ZNF286A: variants seen among roughly 807,000 people sequenced by gnomAD.
The protein encoded by ZNF286A is zinc finger protein 286A, also known as zinc finger protein ZNF286.
In ZNF286A, 34 loss-of-function variants were observed where a neutral mutation model predicts 49.3. The ratio of observed to expected loss-of-function variants is 0.69; its 90% CI spans 0.52 to 0.92. The LOEUF (loss-of-function observed/expected upper bound fraction) is 0.92, where lower values mean the gene tolerates loss of function less well. Ranked by LOEUF, ZNF286A falls within the 40% of genes least tolerant of loss-of-function variation. ZNF286A has a pLI of 0.00. For synonymous variants in ZNF286A, 155 were observed against 200.4 expected, an observed-to-expected ratio of 0.77 and a Z score of 1.91; for missense variants, 462 against 600.2, an observed-to-expected ratio of 0.77 and a Z score of 2.41.
At position 15,708,166 on chromosome 17, in the gene ZNF286A, T is replaced by C; in HGVS notation, c.253T>C (p.Ser85Pro). 1 of 1,583,192 alleles carries C rather than the reference T, an allele frequency of 6.3e-7. No individual in the cohort carries two copies. The highest frequency in any genetic ancestry group is 1.8e-5 in the Admixed American group (1 of 54,964). The stretch of plus-strand genomic sequence containing the variant: ...TTTTAAATGAATAGGGCTTCCAGTT[T>C]CCAAACCTGAGAGCTACAACTTGGA... Reference protein sequence around the residue: ...RNLVSLWLPVSKPESYNLENG... With the variant: ...RNLVSLWLPVPKPESYNLENG... The change falls in exon 5 of 6, where the codon TCC becomes CCC. Residue 85 changes from serine (S) to proline (P), a missense_variant. This residue lies in a region of ZNF286A where 259 missense variants were observed against 272.2 expected (regional missense o/e 0.95). Transcript: ENST00000583566.
chr17:15,716,991 A>G lies in ZNF286A; in HGVS notation c.1267A>G (p.Thr423Ala), dbSNP rs200036389. ...SECGKTFSQSTHLVQHQRIHT... is the reference protein window; with the variant it reads ...SECGKTFSQSAHLVQHQRIHT... ...ATGTGGAAAAACTTTTAGTCAGAGCACACATCTTGTTCAACATCAGAGAAT... is the reference window on the plus strand; with the variant it reads ...ATGTGGAAAAACTTTTAGTCAGAGCGCACATCTTGTTCAACATCAGAGAAT... Residue 423 changes from threonine to alanine, a missense_variant, in exon 6 of 6, where the codon ACA becomes GCA. Thr to Ala is a moderately conservative substitution (Grantham distance 58, BLOSUM62 0). Transcript: ENST00000583566. 6.2e-7 allele frequency: 1 copy of G among 1,613,376 alleles called. No individual in the cohort carries two copies. The highest frequency in any genetic ancestry group is 1.7e-5 in the Admixed American group (1 of 59,956).
chr17:15,700,045 C>G, intron 1 of ZNF286A, 90 bp from the exon 2 acceptor site: 1 of 588,674 alleles, frequency 1.7e-6, no homozygotes, highest in East Asian at 2.8e-5. Context: ...TCACCTCTTC[C>G]AGGTGCCCGG....
chr17:15,717,440 T>G lies in ZNF286A; in HGVS notation c.*150T>G, dbSNP rs560516458. 5.2e-6 allele frequency: 7 copies of G among 1,357,282 alleles called. No homozygotes were observed. The highest frequency in any genetic ancestry group is 2.0e-6 in the Non-Finnish European group (2 of 1,024,060). 84.1% of individuals were successfully genotyped at this position (1,357,282 alleles called of 1,614,324 possible). A position where few individuals can be genotyped will look rare whatever the true frequency, so the allele number is the denominator to read the frequency against. ...TTGCGTAATACATAGTTTTGAGCCATAAGCAGGTTCTTTATGTCCGTTAAT... is the reference window on the plus strand; with the variant it reads ...TTGCGTAATACATAGTTTTGAGCCAGAAGCAGGTTCTTTATGTCCGTTAAT... On this transcript the variant is annotated 3_prime_UTR_variant, in exon 6 of 6. Transcript: ENST00000583566.
chr17:15,712,530 A>G (rs945137494), intron 5 of ZNF286A, among the ~76,000 whole-genome samples: 1 of 152,244 alleles, frequency 6.6e-6, no homozygotes, highest in African/African-American at 2.4e-5. Context: ...AATTGTTTTA[A>G]TGGTACTTAC....
intron 5 of ZNF286A, among the ~76,000 whole-genome samples, chr17:15,710,261 A>G (rs1460695573): frequency 1.3e-5 from 2 of 151,630 alleles, no homozygotes; most frequent in Non-Finnish European, 2.9e-5. Context: ...TGTTAGGCAT[A>G]TAGAATTAAA....
intron 5 of ZNF286A, chr17:15,710,028 A>G: frequency 1.0e-6 from 1 of 980,466 alleles, no homozygotes; most frequent in South Asian, 1.9e-5. Context: ...TGAGTGATAA[A>G]TACAAGTTTG....
chr17:15,707,058 G>A (rs1224532596), intron 4 of ZNF286A, among the ~76,000 whole-genome samples: 7 of 152,266 alleles, frequency 4.6e-5, no homozygotes, highest in South Asian at 2.1e-4. Context: ...TAGCATGCAC[G>A]CATACACACA....
intron 1 of ZNF286A, 55 bp from the exon 2 acceptor site, chr17:15,700,080 G>A: frequency 3.5e-6 from 2 of 567,608 alleles, no homozygotes; most frequent in Non-Finnish European, 3.1e-6. Flanking sequence ...GCTTCAAGCG[G>A]TAGGGACAGA....
intron 3 of ZNF286A, among the ~76,000 whole-genome samples, chr17:15,703,486 T>A (rs1443081623): frequency 1.3e-5 from 2 of 151,880 alleles, no homozygotes; most frequent in Non-Finnish European, 2.9e-5. Context: ...TTTTAGTTCT[T>A]CAATGTAATA....
At chr17:15,708,464 T>G (rs1348634492) in intron 5 of ZNF286A, 1 of 379,622 alleles carries the variant, frequency 2.6e-6, no homozygotes, top group African/African-American at 2.1e-5. Context: ...TTCGTTTGCC[T>G]CTTTTCTTTC....
rs1990367902 is a variant in ZNF286A at position 15,708,031 on chromosome 17, AAGAAAG to A, written c.242-122_242-117del. 2.0e-5 allele frequency: 9 copies of A among 447,362 alleles called. No homozygotes were observed. The Admixed American group carries it at 4.6e-4, about 23-fold the overall frequency. The allele number at this position is 447,362 out of a possible 1,614,324, so 27.7% of individuals were successfully genotyped here. On this transcript the variant is annotated intron_variant, in intron 4 of 5. Transcript: ENST00000583566. ...AGTAAATTTTTATAAATTAAAAAAA[AAGAAAG>A]AAAGTTGGAATTCACTAAGGAATAT...
intron 3 of ZNF286A, among the ~76,000 whole-genome samples, chr17:15,703,045 A>G (rs1157782087): frequency 6.6e-6 from 1 of 152,092 alleles, no homozygotes; most frequent in Non-Finnish European, 1.5e-5. Flanking sequence ...GATTGACTCT[A>G]ATGGGGTATT....
At chr17:15,709,799 TA>T (rs1451405244) in intron 5 of ZNF286A, 10 of 1,530,626 alleles carry the variant, frequency 6.5e-6, no homozygotes, top group Admixed American at 2.0e-5. Flanking sequence ...CTGAACAGTT[TA>T]TTTTTTTTCT....
At chr17:15,711,839 ATTTG>A (rs1990668456) in intron 5 of ZNF286A, among the ~76,000 whole-genome samples, 1 of 136,866 alleles carries the variant, frequency 7.3e-6, no homozygotes, top group Admixed American at 7.3e-5. Flanking sequence ...GAAACTCTAA[ATTTG>A]CATTTATCTG....
Position 15,717,429 on chromosome 17 carries a change from G to A in ZNF286A, c.*139G>A, listed in dbSNP as rs1967125140. ...TCTAATTTCATTTGCGTAATACATAGTTTTGAGCCATAAGCAGGTTCTTTA... is the reference window on the plus strand; with the variant it reads ...TCTAATTTCATTTGCGTAATACATAATTTTGAGCCATAAGCAGGTTCTTTA... On this transcript the variant is annotated 3_prime_UTR_variant, in exon 6 of 6. Coordinates refer to ENST00000583566, the MANE Select transcript of ZNF286A (RefSeq NM_001130842.2). 14 of 1,404,328 alleles carry A rather than the reference G, an allele frequency of 1.0e-5. No homozygotes were observed. The highest frequency in any genetic ancestry group is 1.3e-5 in the Non-Finnish European group (14 of 1,058,546). 87.0% of individuals were successfully genotyped at this position (1,404,328 alleles called of 1,614,324 possible). A position where few individuals can be genotyped will look rare whatever the true frequency, so the allele number is the denominator to read the frequency against.
intron 5 of ZNF286A, 108 bp from the exon 6 acceptor site, chr17:15,715,951 G>C: frequency 6.5e-7 from 1 of 1,539,080 alleles, no homozygotes; most frequent in Non-Finnish European, 8.7e-7. Flanking sequence ...AAATCCACTT[G>C]CTCCTTGAAG....
intron 3 of ZNF286A, among the ~76,000 whole-genome samples, chr17:15,702,114 C>T (rs1304440389): frequency 2.0e-5 from 3 of 146,744 alleles, no homozygotes; most frequent in Non-Finnish European, 4.5e-5. Flanking sequence ...GAGGGAAACT[C>T]TGTCTCAAAA....
Position 15,706,422 on chromosome 17 carries a change from T to C in ZNF286A, c.162T>C (p.Phe54=). The C allele has an allele frequency of 1.2e-6, 2 of 1,614,008 alleles. No homozygotes were observed. The highest frequency in any genetic ancestry group is 2.2e-5 in the East Asian group (1 of 44,864). The stretch of plus-strand genomic sequence containing the variant: ...CATTCAAGGATGTGGCCATGGACTT[T>C]ACACCAGAGGAGTGGGGGAAGCTGG... ...TVTFKDVAMD[F]TPEEWGKLDP... Residue 54 remains phenylalanine, a synonymous_variant, in exon 4 of 6, where the codon TTT becomes TTC. Coordinates refer to ENST00000583566, the MANE Select transcript of ZNF286A (RefSeq NM_001130842.2).
At chr17:15,715,442 A>T (rs943274560) in intron 5 of ZNF286A, among the ~76,000 whole-genome samples, 5 of 152,088 alleles carry the variant, frequency 3.3e-5, no homozygotes, top group African/African-American at 4.8e-5. Flanking sequence ...TCATTTCTGT[A>T]TAGTAGGATA....
Sources: gnomAD v4.1 joint callset for allele counts (sites outside exome capture counted in the v4.1 genomes callset) on GRCh38, gnomAD v4.1.1 for gene constraint, gnomAD v4.1.1 regional missense constraint, MANE v1.5 for transcripts, NCBI Gene and HGNC (gene_info 2026-07-23, HGNC 2026-07-21) for gene names.